The following ELMO1 variants were observed in gnomAD, a reference collection of about 807,000 sequenced individuals.
ELMO1 encodes the protein engulfment and cell motility 1, also known as engulfment and cell motility protein 1.
In ELMO1, 26 loss-of-function variants were observed where a neutral mutation model predicts 98.9. That is an observed-to-expected ratio of 0.26 (90% CI 0.19 to 0.36). The LOEUF is 0.36. ELMO1 is among the 10% of genes least tolerant of loss of function. ELMO1 has a pLI of 1.00. For synonymous variants in ELMO1, 346 were observed against 346.0 expected, an observed-to-expected ratio of 1.00 and a Z score of 0.00; for missense variants, 627 against 935.2, an observed-to-expected ratio of 0.67 and a Z score of 4.30.
intron 2 of ELMO1, among the ~76,000 whole-genome samples, chr7:37,323,024 G>C (rs1799603707): frequency 6.6e-6 from 1 of 152,086 alleles, no homozygotes; most frequent in South Asian, 2.1e-4. Flanking sequence ...ATTTCTATGT[G>C]CGGGGATCAA....
At chr7:37,355,268 A>G (rs1801453376) in intron 1 of ELMO1, among the ~76,000 whole-genome samples, 1 of 152,204 alleles carries the variant, frequency 6.6e-6, no homozygotes. Flanking sequence ...TGACAGAGGT[A>G]CCTTTCTCAT....
intron 15 of ELMO1, among the ~76,000 whole-genome samples, chr7:37,041,173 G>T (rs1056733238): frequency 3.9e-5 from 6 of 151,964 alleles, no homozygotes; most frequent in African/African-American, 1.5e-4. Flanking sequence ...AATAGGTAAT[G>T]TCAATACTCT....
intron 15 of ELMO1, among the ~76,000 whole-genome samples, chr7:37,031,845 T>C (rs1381199046): frequency 6.6e-6 from 1 of 152,122 alleles, no homozygotes; most frequent in Non-Finnish European, 1.5e-5. Flanking sequence ...TGCACTGAAA[T>C]ATTATATTCT....
chr7:37,098,104 T>C (rs1192717840), intron 14 of ELMO1, among the ~76,000 whole-genome samples: 1 of 152,236 alleles, frequency 6.6e-6, no homozygotes, highest in Non-Finnish European at 1.5e-5. Context: ...TGGGACTTCC[T>C]TAATAGCTAC....
At chr7:37,204,371 GGTGA>G (rs1792483855) in intron 13 of ELMO1, 1 of 388,000 alleles carries the variant, frequency 2.6e-6, no homozygotes. Context: ...AGACCTTCGC[GGTGA>G]GTGTTACAGT....
At chr7:37,093,223 G>C (rs957881438) in intron 15 of ELMO1, among the ~76,000 whole-genome samples, 4 of 151,802 alleles carry the variant, frequency 2.6e-5, no homozygotes, top group Non-Finnish European at 4.4e-5. Flanking sequence ...TAAATATTTG[G>C]TATCAGTAAT....
chr7:37,189,069 A>T (rs1791418938), intron 13 of ELMO1, among the ~76,000 whole-genome samples: 1 of 152,226 alleles, frequency 6.6e-6, no homozygotes, highest in South Asian at 2.1e-4. Flanking sequence ...GGCACTGTAT[A>T]TAATAATTTT....
intron 19 of ELMO1, among the ~76,000 whole-genome samples, chr7:36,871,888 A>C (rs6965152): frequency 9.2e-5 from 14 of 152,042 alleles, no homozygotes; most frequent in Admixed American, 3.9e-4. Context: ...AACTTTGTCC[A>C]TATCTGTTGA....
chr7:37,080,057 C>T (rs1797782415), intron 15 of ELMO1, among the ~76,000 whole-genome samples: 2 of 152,204 alleles, frequency 1.3e-5, no homozygotes, highest in East Asian at 1.9e-4. Flanking sequence ...CCATCAATTT[C>T]AGTGATGACT....
chr7:37,401,613 C>T (rs934964866), intron 1 of ELMO1, among the ~76,000 whole-genome samples: 21 of 152,152 alleles, frequency 1.4e-4, no homozygotes, highest in Non-Finnish European at 1.6e-4. Context: ...CATCCTTCTT[C>T]ACAAGGCGGC....
intron 8 of ELMO1, among the ~76,000 whole-genome samples, chr7:37,226,948 C>G (rs769587884): frequency 6.6e-6 from 1 of 152,156 alleles, no homozygotes; most frequent in African/African-American, 2.4e-5. Flanking sequence ...GATAAAAAGG[C>G]ATTTACTATG....
At chr7:37,445,883 A>C (rs1805593142) in intron 1 of ELMO1, among the ~76,000 whole-genome samples, 1 of 152,174 alleles carries the variant, frequency 6.6e-6, no homozygotes, top group Non-Finnish European at 1.5e-5. Flanking sequence ...AAAGCAACAC[A>C]GACTTCTTTA....
chr7:36,956,741 G>A (rs185609804), intron 16 of ELMO1, among the ~76,000 whole-genome samples: 12 of 152,210 alleles, frequency 7.9e-5, no homozygotes, highest in East Asian at 5.8e-4. Context: ...ATCATCGATC[G>A]GGCAATTTTT....
At chr7:37,391,070 C>T (rs1489838189) in intron 1 of ELMO1, among the ~76,000 whole-genome samples, 3 of 148,812 alleles carry the variant, frequency 2.0e-5, no homozygotes, top group African/African-American at 5.0e-5. Context: ...CTCCCTCCCT[C>T]CCTCTCTCCC....
chr7:37,056,417 A>G (rs1013688535), intron 15 of ELMO1, among the ~76,000 whole-genome samples: 6 of 152,224 alleles, frequency 3.9e-5, no homozygotes, highest in African/African-American at 1.4e-4. Context: ...CAGAGCTCCC[A>G]GGAACAAGCT....
chr7:37,277,954 G>C (rs1417781055), intron 4 of ELMO1, among the ~76,000 whole-genome samples: 1 of 152,134 alleles, frequency 6.6e-6, no homozygotes, highest in Non-Finnish European at 1.5e-5. Flanking sequence ...AACATCAACT[G>C]TTTGTACCCT....
chr7:37,242,566 GT>G (rs1794814293), intron 7 of ELMO1, among the ~76,000 whole-genome samples: 1 of 152,164 alleles, frequency 6.6e-6, no homozygotes. Flanking sequence ...TCAGATATCA[GT>G]TTTGTTCCTC....
At chr7:37,353,647 G>A (rs4723641) in intron 1 of ELMO1, 12,030 of 152,122 alleles carry the variant, frequency 0.079, 580 homozygotes, top group South Asian at 0.16. Context: ...TGCTGCTACT[G>A]GCTCAGGTGA....
intron 17 of ELMO1, among the ~76,000 whole-genome samples, chr7:36,892,726 T>C (rs896904314): frequency 1.2e-4 from 18 of 152,202 alleles, no homozygotes; most frequent in African/African-American, 4.1e-4. Flanking sequence ...GCAGCTACCC[T>C]CTGCCGGCTT....
Sources: gnomAD v4.1 joint callset for allele counts (sites outside exome capture counted in the v4.1 genomes callset) on GRCh38, gnomAD v4.1.1 for gene constraint, MANE v1.5 for transcripts, NCBI Gene and HGNC (gene_info 2026-07-23, HGNC 2026-07-21) for gene names.